MALRD1: variants seen among roughly 807,000 people sequenced by gnomAD.
MALRD1 encodes the protein MAM and LDL-receptor class A domain-containing protein 1.
MALRD1 carries 247 observed loss-of-function variants against 242.1 expected under a neutral mutation model. That is an observed-to-expected ratio of 1.02 (90% CI 0.92 to 1.13). MALRD1 has a LOEUF of 1.13. Ranked by LOEUF, MALRD1 falls within the 50% of genes most tolerant of loss-of-function variation. The pLI, the probability that MALRD1 is intolerant of heterozygous loss-of-function variation, is 0.00. For missense variants in MALRD1, 2,989 were observed against 2,533.1 expected, an observed-to-expected ratio of 1.18 and a Z score of -3.86; for synonymous variants, 995 against 866.6, an observed-to-expected ratio of 1.15 and a Z score of -2.60.
Position 19,498,634 on chromosome 10 carries a change from G to C in MALRD1, c.5308G>C (p.Asp1770His). ...IPAKALIPDS[D>H]HTPGSGQHFL... ...TGCCAAAGCATTAATTCCAGACTCT[G>C]ATCACACGCCAGGTAAATCTAGTAG... The change falls in exon 31 of 40, where the codon GAT becomes CAT. Residue 1770 changes from aspartate to histidine, a missense_variant. Transcript: ENST00000454679. 1 of 1,549,624 alleles carries C rather than the reference G, an allele frequency of 6.5e-7. No homozygotes were observed. Among genetic ancestry groups the C allele is most frequent in the African/African-American group, 1.4e-5 (1 of 73,036 alleles).
At chr10:19,274,694 G>A (rs945027661) in intron 19 of MALRD1, among the ~76,000 whole-genome samples, 4 of 152,096 alleles carry the variant, frequency 2.6e-5, no homozygotes, top group Non-Finnish European at 5.9e-5. Flanking sequence ...TAACCTCGAG[G>A]ACATCATGCT....
intron 1 of MALRD1, among the ~76,000 whole-genome samples, chr10:19,057,025 C>T (rs1347380555): frequency 6.6e-6 from 1 of 152,052 alleles, no homozygotes; most frequent in Non-Finnish European, 1.5e-5. Context: ...CTAAATCCCA[C>T]TTGATCATGC....
chr10:19,279,094 C>T (rs867659352), intron 19 of MALRD1, among the ~76,000 whole-genome samples: 1 of 152,126 alleles, frequency 6.6e-6, no homozygotes, highest in East Asian at 1.9e-4. Flanking sequence ...GTCGTCCATG[C>T]ACAGAGGAGG....
chr10:19,249,036 CAT>C (rs750151272), intron 18 of MALRD1, among the ~76,000 whole-genome samples: 71 of 145,526 alleles, frequency 4.9e-4, no homozygotes, highest in Non-Finnish European at 9.1e-4. Flanking sequence ...TAAATTAAAA[CAT>C]ACACATATGT....
intron 36 of MALRD1, 53 bp downstream of exon 36, chr10:19,615,976 T>A: frequency 1.5e-6 from 2 of 1,329,190 alleles, no homozygotes; most frequent in South Asian, 2.6e-5. Flanking sequence ...GTTGGCTTAC[T>A]TATTTTTCTA....
chr10:19,088,536 CTT>C (rs748953378), intron 4 of MALRD1, among the ~76,000 whole-genome samples: 33,348 of 108,518 alleles, frequency 0.31, 3,745 homozygotes, highest in Admixed American at 0.37. Flanking sequence ...CTCTTTCTTT[CTT>C]TTTTTTTTTT....
At chr10:19,516,209 C>T (rs1010880856) in intron 31 of MALRD1, among the ~76,000 whole-genome samples, 1 of 152,034 alleles carries the variant, frequency 6.6e-6, no homozygotes, top group Non-Finnish European at 1.5e-5. Context: ...AAAGACTATC[C>T]CAGATCATGT....
At chr10:19,715,691 G>A (rs1385922710) in intron 38 of MALRD1, among the ~76,000 whole-genome samples, 2 of 152,170 alleles carry the variant, frequency 1.3e-5, no homozygotes, top group Non-Finnish European at 2.9e-5. Flanking sequence ...TTTGGCTGGC[G>A]GTTCTGCAGG....
At chr10:19,182,560 G>A (rs955003973) in intron 14 of MALRD1, among the ~76,000 whole-genome samples, 14 of 151,846 alleles carry the variant, frequency 9.2e-5, no homozygotes, top group African/African-American at 3.4e-4. Context: ...TCGATCTCCT[G>A]ACCTCGTAAT....
intron 10 of MALRD1, among the ~76,000 whole-genome samples, chr10:19,143,356 C>T (rs1833615383): frequency 6.6e-6 from 1 of 152,194 alleles, no homozygotes; most frequent in Non-Finnish European, 1.5e-5. Flanking sequence ...CATTTTCACA[C>T]TCATCGATCT....
At chr10:19,160,392 A>G (rs1485264358) in intron 12 of MALRD1, among the ~76,000 whole-genome samples, 3 of 116,910 alleles carry the variant, frequency 2.6e-5, no homozygotes, top group Admixed American at 9.6e-5. Context: ...TTTTGCATCA[A>G]TGTTCATCAA....
At chr10:19,398,307 T>C (rs1846678040) in intron 28 of MALRD1, among the ~76,000 whole-genome samples, 1 of 152,182 alleles carries the variant, frequency 6.6e-6, no homozygotes, top group Admixed American at 6.6e-5. Context: ...CTGCATTTAA[T>C]GTTGGTTAGG....
intron 36 of MALRD1, among the ~76,000 whole-genome samples, chr10:19,625,372 C>T (rs1839606735): frequency 6.6e-6 from 1 of 151,898 alleles, no homozygotes; most frequent in African/African-American, 2.4e-5. Flanking sequence ...CATATGGTTG[C>T]TTTTGCCTAT....
chr10:19,490,597 A>G (rs982901646), intron 29 of MALRD1, among the ~76,000 whole-genome samples: 3 of 151,908 alleles, frequency 2.0e-5, no homozygotes, highest in Non-Finnish European at 4.4e-5. Context: ...AACCAAAACA[A>G]CACTAACTGA....
intron 36 of MALRD1, among the ~76,000 whole-genome samples, chr10:19,655,523 T>G: frequency 7.5e-6 from 1 of 132,598 alleles, no homozygotes; most frequent in East Asian, 2.2e-4. Context: ...CATATATATG[T>G]GTGAGTGTAT....
At chr10:19,284,399 C>G (rs1350544387) in intron 21 of MALRD1, among the ~76,000 whole-genome samples, 1 of 117,296 alleles carries the variant, frequency 8.5e-6, no homozygotes, top group Non-Finnish European at 1.7e-5. Flanking sequence ...TATCCCTCCC[C>G]CCTCCCCCCA....
chr10:19,585,003 C>G (rs7085847), intron 33 of MALRD1, among the ~76,000 whole-genome samples: 78,619 of 151,816 alleles, frequency 0.52, 20,479 homozygotes, highest in African/African-American at 0.56. Flanking sequence ...CTCTTTTGAT[C>G]TCTGTTGGTT....
chr10:19,593,614 A>G (rs555068960), intron 33 of MALRD1, among the ~76,000 whole-genome samples: 2 of 152,288 alleles, frequency 1.3e-5, no homozygotes, highest in African/African-American at 4.8e-5. Context: ...AGACAATACA[A>G]AGTGTAAGAA....
chr10:19,276,606 G>A (rs1404140866), intron 19 of MALRD1, among the ~76,000 whole-genome samples: 2 of 152,162 alleles, frequency 1.3e-5, no homozygotes, highest in Middle Eastern at 3.4e-3. Context: ...TTCAGACTCT[G>A]TCCTTCAAGA....
Sources: allele counts gnomAD v4.1 joint callset (sites outside exome capture counted in the v4.1 genomes callset), GRCh38; gene constraint gnomAD v4.1.1; transcripts MANE v1.5; gene names NCBI Gene and HGNC (gene_info 2026-07-23, HGNC 2026-07-21).